BICD2: variants seen among roughly 807,000 people sequenced by gnomAD.
The protein encoded by BICD2 is BICD cargo adaptor 2, also known as protein bicaudal D homolog 2.
Under a neutral mutation model 72.9 loss-of-function variants are expected in BICD2, and 25 were observed. The observed-to-expected ratio is 0.34, with a 90% CI of 0.25 to 0.48. The LOEUF is 0.48. BICD2 is among the 20% of genes least tolerant of loss of function. The pLI is 0.99. For synonymous variants in BICD2, 501 were observed against 516.1 expected (o/e 0.97, Z 0.40); for missense variants, 894 against 1,175.2 (o/e 0.76, Z 3.50).
chr9:92,720,394 TC>T lies in BICD2; in HGVS notation c.967del (p.Glu323ArgfsTer26). On this transcript the variant is annotated frameshift_variant, in exon 4 of 7. Transcript: ENST00000356884. LOFTEE classifies it high-confidence loss of function. This position sits in a 1 kb window ranked among gnomAD's most constrained non-coding sequence, Gnocchi z 5.4. Reference sequence around the variant, plus strand: ...GCTGGGGGAGGGCGGTGCGAGGCCCTCCTTCTTGGGCGTGGAGGTCTTGTTG... The same window carrying T: ...GCTGGGGGAGGGCGGTGCGAGGCCCTCTTCTTGGGCGTGGAGGTCTTGTTG... ...LDNKTSTPKK[E>X]GLAPPSPSLV... 6.2e-7 allele frequency: 1 copy of T among 1,614,088 alleles called. No individual in the cohort carries two copies. Among genetic ancestry groups the T allele is most frequent in the Non-Finnish European group, 8.5e-7 (1 of 1,180,028 alleles).
rs148628170 is a variant in BICD2, at chr9:92,733,069, G to A, written c.241-3833C>T. On this transcript the variant is annotated intron_variant, in intron 1 of 6. Coordinates refer to ENST00000356884, the MANE Select transcript of BICD2 (RefSeq NM_001003800.2). The stretch of plus-strand genomic sequence containing the variant: ...AACAATATTGAAAGGGAATAACAAC[G>A]TGAGAGAACTCACAATTTCAAAACT... Among the ~76,000 whole-genome samples, 9 of 152,284 alleles carry A rather than the reference G, an allele frequency of 5.9e-5. No individual in the cohort carries two copies. In the East Asian group the frequency reaches 1.5e-3, roughly 26 times the overall value.
chr9:92,716,180 G>A (rs555210174), intron 6 of BICD2, among the ~76,000 whole-genome samples: 6 of 152,154 alleles, frequency 3.9e-5, no homozygotes, highest in South Asian at 2.1e-4. Flanking sequence ...CTGCCCACAC[G>A]CACCCTACTC....
chr9:92,745,134 A>G (rs893292566), intron 1 of BICD2, among the ~76,000 whole-genome samples: 5 of 152,176 alleles, frequency 3.3e-5, no homozygotes, highest in African/African-American at 9.6e-5. Context: ...GTGGCAAGAA[A>G]TGGACTTCAG....
chr9:92,719,723 T>A, intron 4 of BICD2, 141 bp from the exon 5 acceptor site: 1 of 818,980 alleles, frequency 1.2e-6, no homozygotes, highest in Non-Finnish European at 1.9e-6. Context: ...ATGCTGTCAG[T>A]GAGGTGGACA....
In BICD2 at chr9:92,720,612, C is replaced by T. The variant is rs750471177; in HGVS notation, c.750G>A (p.Glu250=). The T allele has an allele frequency of 6.2e-7, 1 of 1,614,214 alleles. No homozygotes were observed. Among genetic ancestry groups the T allele is most frequent in the Non-Finnish European group, 8.5e-7 (1 of 1,180,042 alleles). The change falls in exon 4 of 7, where the codon GAG becomes GAA. Residue 250 remains glutamate (E), a synonymous_variant. Coordinates refer to ENST00000356884, the MANE Select transcript of BICD2 (RefSeq NM_001003800.2). This position sits in a 1 kb window ranked among gnomAD's most constrained non-coding sequence, Gnocchi z 5.4. ...LEEALETLKT[E]REQKNSLRKE... is the part of the protein sequence containing the mutation. ...TGCGCAGGCTGTTCTTCTGTTCGCGCTCCGTCTTCAGGGTCTCCAGCGCCT... is the reference window on the plus strand; with the variant it reads ...TGCGCAGGCTGTTCTTCTGTTCGCGTTCCGTCTTCAGGGTCTCCAGCGCCT...
intron 1 of BICD2, 111 bp from the exon 2 acceptor site, chr9:92,729,347 G>A (rs934713256): frequency 1.3e-5 from 15 of 1,189,858 alleles, no homozygotes; most frequent in Non-Finnish European, 1.4e-5. Flanking sequence ...ACAACAACGG[G>A]GACTGTGGGC....
chr9:92,726,101 T>C (rs180932339), intron 2 of BICD2, among the ~76,000 whole-genome samples: 1 of 152,068 alleles, frequency 6.6e-6, no homozygotes, highest in Admixed American at 6.5e-5. Flanking sequence ...TACACAGCGG[T>C]TAGAGTCAGG....
Position 92,715,012 on chromosome 9 carries a change from C to T in BICD2, c.*142G>A. ...AGCTCTCACAAGTGTCCTGCTGATG[C>T]AACGCCCCATGGCGCCTCGGCTAGA... On this transcript the variant is annotated 3_prime_UTR_variant, in exon 7 of 7. Coordinates refer to ENST00000356884, the MANE Select transcript of BICD2 (RefSeq NM_001003800.2). 7.0e-7 allele frequency: 1 copy of T among 1,422,458 alleles called. No homozygotes were observed. The highest frequency in any genetic ancestry group is 9.2e-7 in the Non-Finnish European group (1 of 1,088,468). The allele number at this position is 1,422,458 out of a possible 1,614,324, so 88.1% of individuals were successfully genotyped here. A position where few individuals can be genotyped will look rare whatever the true frequency, so the allele number is the denominator to read the frequency against.
chr9:92,740,258 A>C (rs1853873849), intron 1 of BICD2, among the ~76,000 whole-genome samples: 3 of 152,220 alleles, frequency 2.0e-5, no homozygotes, highest in Non-Finnish European at 2.9e-5. Flanking sequence ...CTAAAAAAGG[A>C]AGAAATTCCA....
intron 2 of BICD2, among the ~76,000 whole-genome samples, chr9:92,725,334 G>A (rs900837532): frequency 6.6e-6 from 1 of 152,232 alleles, no homozygotes; most frequent in East Asian, 1.9e-4. Context: ...CCATGTCATG[G>A]GTGATGATGG....
rs889427484 is a variant in BICD2, at chr9:92,712,656, A to G, written c.*2498T>C. 1 of 152,512 alleles carries G rather than the reference A, an allele frequency of 6.6e-6. No homozygotes were observed. The highest frequency in any genetic ancestry group is 1.5e-5 in the Non-Finnish European group (1 of 68,038). The allele number at this position is 152,512 out of a possible 1,614,324, so 9.4% of individuals were successfully genotyped here. On this transcript the variant is annotated 3_prime_UTR_variant, in exon 7 of 7. Coordinates refer to ENST00000356884, the MANE Select transcript of BICD2 (RefSeq NM_001003800.2). Reference sequence around the variant, plus strand: ...GAAAATTCTGGAATTTGTAGGTAATACTACTCATTCAATAATTTATCTTTT... The same window carrying G: ...GAAAATTCTGGAATTTGTAGGTAATGCTACTCATTCAATAATTTATCTTTT...
intron 1 of BICD2, among the ~76,000 whole-genome samples, chr9:92,747,114 C>G (rs1854028967): frequency 6.6e-6 from 1 of 152,170 alleles, no homozygotes; most frequent in East Asian, 1.9e-4. Flanking sequence ...GGCCACCAAA[C>G]TGGTGGCCCA....
intron 3 of BICD2, among the ~76,000 whole-genome samples, chr9:92,721,161 C>T (rs1004675552): frequency 1.3e-5 from 2 of 152,158 alleles, no homozygotes; most frequent in Non-Finnish European, 2.9e-5. Flanking sequence ...CAAATATTAC[C>T]AAGTGCATGC....
intron 1 of BICD2, among the ~76,000 whole-genome samples, chr9:92,751,609 T>C (rs1011091585): frequency 6.6e-6 from 1 of 152,192 alleles, no homozygotes; most frequent in Non-Finnish European, 1.5e-5. Flanking sequence ...ATTAAGTTAC[T>C]GGATGGTGGA....
At position 92,718,627 on chromosome 9, in the gene BICD2, A is replaced by G; in HGVS notation, c.2018T>C (p.Met673Thr). Residue 673 changes from methionine (M) to threonine (T), a missense_variant, in exon 5 of 7, where the codon ATG becomes ACG. By Grantham distance (81) the Met-to-Thr change is moderately conservative (BLOSUM62 -1). Around this residue, in one of 5 missense-constraint regions of BICD2, gnomAD observed 321 missense variants for 443.9 expected, o/e 0.72. Transcript: ENST00000356884. ...CGACTTCAGCTTGAGGATCTCCTCC[A>G]TAAGCGCTTCCTTGTCCTTGTCCAC... ...PAVDKDKEAL[M>T]EEILKLKSLL... The G allele has an allele frequency of 2.5e-6, 4 of 1,613,928 alleles. No individual in the cohort carries two copies. The highest frequency in any genetic ancestry group is 3.4e-6 in the Non-Finnish European group (4 of 1,180,030).
intron 1 of BICD2, among the ~76,000 whole-genome samples, chr9:92,762,065 TTA>T (rs778880333): frequency 7.2e-5 from 11 of 152,176 alleles, no homozygotes; most frequent in African/African-American, 2.2e-4. Context: ...AACGATCCTA[TTA>T]TCTACAAATG....
At position 92,713,395 on chromosome 9, in the gene BICD2, G is replaced by A. The variant is rs562165380; in HGVS notation, c.*1759C>T. On this transcript the variant is annotated 3_prime_UTR_variant, in exon 7 of 7. Transcript: ENST00000356884. ...TCCTTCCTCCTTGTGGGCCACGAGA[G>A]GGAAGGGGAAGGGGCTGCAGTGTGA... 2.8e-4 allele frequency: 424 copies of A among 1,539,778 alleles called. 1 individual carries two copies. The African/African-American group carries it at 5.5e-3, about 20-fold the overall frequency.
chr9:92,752,754 C>T (rs931612985), intron 1 of BICD2, among the ~76,000 whole-genome samples: 1 of 152,076 alleles, frequency 6.6e-6, no homozygotes, highest in Non-Finnish European at 1.5e-5. Flanking sequence ...GAGACCCTGT[C>T]CCAAATAAAA....
chr9:92,720,833 C>G lies in BICD2; in HGVS notation c.607-78G>C. ...AGGCCCCATAAATGAAGAAAACACA[C>G]CAGCACACCAACTCCGGCCACTATG... On this transcript the variant is annotated intron_variant, in intron 3 of 6. Coordinates refer to ENST00000356884, the MANE Select transcript of BICD2 (RefSeq NM_001003800.2). The surrounding 1 kb of genome is among the most constrained non-coding windows in gnomAD (Gnocchi z 5.4). The G allele has an allele frequency of 7.0e-7, 1 of 1,426,222 alleles. No individual in the cohort carries two copies. Among genetic ancestry groups the G allele is most frequent in the Non-Finnish European group, 9.5e-7 (1 of 1,052,870 alleles). 88.3% of individuals were successfully genotyped at this position (1,426,222 alleles called of 1,614,324 possible). A position where few individuals can be genotyped will look rare whatever the true frequency, so the allele number is the denominator to read the frequency against.
Sources: gnomAD v4.1 joint callset for allele counts (sites outside exome capture counted in the v4.1 genomes callset) on GRCh38, gnomAD v4.1.1 for gene constraint, gnomAD v4.1.1 regional missense constraint, Gnocchi (gnomAD v3.1) non-coding constraint, MANE v1.5 for transcripts, NCBI Gene and HGNC (gene_info 2026-07-23, HGNC 2026-07-21) for gene names.